The following MAP3K19 variants were observed in gnomAD, a reference collection of about 807,000 sequenced individuals.
The protein encoded by MAP3K19 is SPS1/STE20-related protein kinase YSK4.
Under a neutral mutation model 114.4 loss-of-function variants are expected in MAP3K19, and 91 were observed. The ratio of observed to expected loss-of-function variants is 0.80; its 90% confidence interval spans 0.67 to 0.95. MAP3K19 has a LOEUF of 0.95. Among genes scored for constraint, MAP3K19 ranks in the 40% least tolerant of loss-of-function variants. MAP3K19 has a pLI of 0.00. For synonymous variants in MAP3K19, 518 were observed against 530.5 expected (o/e 0.98, Z 0.32); for missense variants, 1,471 against 1,573.2 (o/e 0.94, Z 1.10).
intron 2 of MAP3K19, among the ~76,000 whole-genome samples, chr2:135,031,513 A>C (rs570697414): frequency 1.3e-5 from 2 of 152,368 alleles, no homozygotes; most frequent in African/African-American, 4.8e-5. Flanking sequence ...CAGTCCTGAA[A>C]GACCTGACAA....
Position 134,998,663 on chromosome 2 carries a change from A to G in MAP3K19, c.574+75T>C, listed in dbSNP as rs1686203085. The G allele has an allele frequency of 9.1e-6, 13 of 1,435,082 alleles. No individual in the cohort carries two copies. In the South Asian group the frequency reaches 1.8e-4, roughly 20 times the overall value. The allele number at this position is 1,435,082 out of a possible 1,614,324, so 88.9% of individuals were successfully genotyped here. ...GTTCACTGCTTTATCTCTAGCATTTAGAACAGTGCCTGGCACAATACATAA... is the reference window on the plus strand; with the variant it reads ...GTTCACTGCTTTATCTCTAGCATTTGGAACAGTGCCTGGCACAATACATAA... On this transcript the variant is annotated intron_variant, in intron 8 of 12. Transcript: ENST00000392915.
At chr2:135,018,087 T>C (rs1687696107) in intron 5 of MAP3K19, among the ~76,000 whole-genome samples, 1 of 150,370 alleles carries the variant, frequency 6.7e-6, no homozygotes, top group South Asian at 2.1e-4. Context: ...AGGTCGAGAG[T>C]TCAAGACCAG....
intron 11 of MAP3K19, chr2:134,983,201 C>T (rs757642548): frequency 1.9e-6 from 1 of 533,546 alleles, no homozygotes; most frequent in Non-Finnish European, 3.8e-6. Flanking sequence ...GCCCACCCCC[C>T]AAGATCTCTT....
Position 135,023,495 on chromosome 2 carries a change from A to T in MAP3K19, c.22+1131T>A, listed in dbSNP as rs1027335503. The T allele has an allele frequency of 7.5e-6, 4 of 533,370 alleles. No homozygotes were observed. In the African/African-American group the frequency reaches 7.7e-5, roughly 10 times the overall value. The allele number at this position is 533,370 out of a possible 1,614,324, so 33.0% of individuals were successfully genotyped here. A position where few individuals can be genotyped will look rare whatever the true frequency, so the allele number is the denominator to read the frequency against. ...CTTTCCCACAAGCCCAGTCCTACAGAAACTTGCTACTTGAAAGTTCCAATG... is the reference window on the plus strand; with the variant it reads ...CTTTCCCACAAGCCCAGTCCTACAGTAACTTGCTACTTGAAAGTTCCAATG... On this transcript the variant is annotated intron_variant, in intron 4 of 12. Transcript: ENST00000392915.
chr2:134,966,703 C>A (rs1421666169), intron 12 of MAP3K19, among the ~76,000 whole-genome samples: 3 of 152,212 alleles, frequency 2.0e-5, no homozygotes, highest in Admixed American at 2.0e-4. Context: ...GTGCCTCCAG[C>A]CCTGCAGTGT....
chr2:135,030,147 C>A lies in MAP3K19; in HGVS notation c.-95+165G>T, dbSNP rs147725337. On this transcript the variant is annotated intron_variant, in intron 3 of 12. Coordinates refer to ENST00000392915, the MANE Select transcript of MAP3K19 (RefSeq NM_025052.5). Reference sequence around the variant, plus strand: ...GTTCTTTTATTATCTTGTTTTCCACCCCAGTGTCCTGTTTGATCCCCTTTC... The same window carrying A: ...GTTCTTTTATTATCTTGTTTTCCACACCAGTGTCCTGTTTGATCCCCTTTC... 4.6e-5 allele frequency among the ~76,000 whole-genome samples: 7 copies of A among 152,256 alleles called. No homozygotes were observed. The East Asian group carries it at 1.4e-3, about 29-fold the overall frequency.
chr2:134,970,838 C>A (rs1285655350), intron 12 of MAP3K19, among the ~76,000 whole-genome samples: 1 of 152,170 alleles, frequency 6.6e-6, no homozygotes, highest in Non-Finnish European at 1.5e-5. Flanking sequence ...ACCTCATGAT[C>A]TGCCTGCCTT....
At chr2:134,983,323 G>C (rs1445582231) in intron 11 of MAP3K19, 2 of 555,834 alleles carry the variant, frequency 3.6e-6, no homozygotes, top group East Asian at 1.0e-4. Context: ...TTTCCCATTG[G>C]ACTTGAACCT....
chr2:134,996,685 T>C (rs1213880211), intron 8 of MAP3K19, among the ~76,000 whole-genome samples: 1 of 152,148 alleles, frequency 6.6e-6, no homozygotes, highest in Admixed American at 6.5e-5. Flanking sequence ...AGAGGGCATT[T>C]AGTGTGCTAA....
At chr2:134,989,565 T>C (rs1165521358) in intron 9 of MAP3K19, among the ~76,000 whole-genome samples, 3 of 152,196 alleles carry the variant, frequency 2.0e-5, no homozygotes, top group Admixed American at 6.5e-5. Flanking sequence ...TAACAGCCAT[T>C]ACAATTTTTT....
intron 12 of MAP3K19, among the ~76,000 whole-genome samples, chr2:134,977,852 T>A (rs556194832): frequency 6.6e-5 from 10 of 152,124 alleles, no homozygotes; most frequent in South Asian, 2.1e-4. Flanking sequence ...GCTCGGTGAC[T>A]TCCCCCCTGT....
intron 5 of MAP3K19, among the ~76,000 whole-genome samples, chr2:135,018,281 C>CAAAAAAAAAAAAAAAAAAAAAAA (rs781510594): frequency 3.4e-5 from 2 of 58,288 alleles, no homozygotes; most frequent in Non-Finnish European, 7.1e-5. Flanking sequence ...GCAACAACAG[C>CAAAAAAAAAAAAAAAAAAAAAAA]AAAAAAAAAA....
intron 3 of MAP3K19, among the ~76,000 whole-genome samples, chr2:135,025,366 CCTTTT>C (rs201782653): frequency 0.054 from 6,927 of 128,286 alleles, 900 homozygotes; most frequent in South Asian, 0.16. Flanking sequence ...CTCCACATGG[CCTTTT>C]CTTTTCTTTT....
intron 5 of MAP3K19, among the ~76,000 whole-genome samples, chr2:135,012,944 CTTGTTTGT>C (rs61102621): frequency 0.042 from 6,369 of 151,698 alleles, 161 homozygotes; most frequent in African/African-American, 0.056. Context: ...CCCCCAAACC[CTTGTTTGT>C]TTGTTTGTTT....
rs2105294371 is a variant in MAP3K19, at chr2:134,999,931, CCTTA to C, written c.314+2_314+5del. On this transcript the variant is annotated splice_donor_variant and splice_donor_5th_base_variant and intron_variant, in intron 7 of 12. Transcript: ENST00000392915. LOFTEE classifies it high-confidence loss of function. This position sits in a 1 kb window ranked among gnomAD's most constrained non-coding sequence, Gnocchi z 4.1. ...CAAATCTGATACTTCAAAGAATATTCCTTACTTCTTTTCTTTTAAGTCTTCTTGG... is the reference window on the plus strand; with the variant it reads ...CAAATCTGATACTTCAAAGAATATTCCTTCTTTTCTTTTAAGTCTTCTTGG... 2 of 1,571,872 alleles carry C rather than the reference CCTTA, an allele frequency of 1.3e-6. No individual in the cohort carries two copies. The highest frequency in any genetic ancestry group is 1.8e-6 in the Non-Finnish European group (2 of 1,141,732).
At chr2:135,033,058 C>T (rs2104787787) in intron 2 of MAP3K19, among the ~76,000 whole-genome samples, 1 of 129,698 alleles carries the variant, frequency 7.7e-6, no homozygotes, top group East Asian at 2.3e-4. Flanking sequence ...AATCTTTTCC[C>T]CACCTTTCCC....
At chr2:135,035,419 A>G (rs1419722154) in intron 2 of MAP3K19, among the ~76,000 whole-genome samples, 1 of 152,188 alleles carries the variant, frequency 6.6e-6, no homozygotes, top group African/African-American at 2.4e-5. Context: ...CAGACAAACA[A>G]AAAACAATAA....
In MAP3K19 at chr2:135,014,361, CA is replaced by C. The variant is rs1181980717; in HGVS notation, c.138+7353del. Among the ~76,000 whole-genome samples the C allele has an allele frequency of 2.0e-5, 3 of 148,960 alleles. No individual in the cohort carries two copies. In the East Asian group the frequency reaches 6.0e-4, roughly 30 times the overall value. ...AGGTGACAGAGTGAGACCCTGTCTC[CA>C]AAAAAGAAGAAAAGAAAAAAAAAAG... On this transcript the variant is annotated intron_variant, in intron 5 of 12. Transcript: ENST00000392915.
At chr2:134,990,321 G>A (rs1685470141) in intron 9 of MAP3K19, among the ~76,000 whole-genome samples, 1 of 152,150 alleles carries the variant, frequency 6.6e-6, no homozygotes, top group Admixed American at 6.5e-5. Context: ...CTCTGTGACA[G>A]CACGACCAAG....
Sources: allele counts gnomAD v4.1 joint callset (sites outside exome capture counted in the v4.1 genomes callset), GRCh38; gene constraint gnomAD v4.1.1; non-coding constraint Gnocchi (gnomAD v3.1); transcripts MANE v1.5; gene names NCBI Gene and HGNC (gene_info 2026-07-23, HGNC 2026-07-21).